Variants in ZP1 observed in about 807,000 individuals in gnomAD.
ZP1 encodes the protein zona pellucida sperm-binding protein 1.
ZP1 carries 58 observed loss-of-function variants against 67.4 expected under a neutral mutation model. The observed-to-expected ratio is 0.86, with a 90% confidence interval of 0.70 to 1.07. The LOEUF is 1.07. Among genes scored for constraint, ZP1 ranks in the 50% least tolerant of loss-of-function variants. ZP1 has a pLI of 0.00. For synonymous variants in ZP1, 333 were observed against 332.7 expected, an observed-to-expected ratio of 1.00 and a Z score of -0.01; for missense variants, 759 against 807.3, an observed-to-expected ratio of 0.94 and a Z score of 0.72.
In ZP1 at chr11:60,870,331, G is replaced by A; in HGVS notation, c.683-1G>A. ...GCCTCATCACTCTGTCCCAACCCTA[G>A]GTACCCACCTGAGCCAGGAGCAGTG... is the stretch of plus-strand genomic sequence containing the variant. On this transcript the variant is annotated splice_acceptor_variant, in intron 3 of 11. Transcript: ENST00000278853. LOFTEE classifies it high-confidence loss of function. The A allele has an allele frequency of 1.3e-6, 2 of 1,596,488 alleles. No individual in the cohort carries two copies. The highest frequency in any genetic ancestry group is 2.7e-5 in the African/African-American group (2 of 74,368).
chr11:60,868,793 G>A (rs953635194), intron 1 of ZP1, among the ~76,000 whole-genome samples: 4 of 152,230 alleles, frequency 2.6e-5, no homozygotes, highest in Non-Finnish European at 5.9e-5. Context: ...AGCTGCCTCA[G>A]CCACAGGATG....
Position 60,875,181 on chromosome 11 carries a change from C to G in ZP1, c.1707C>G (p.Ile569Met). Residue 569 changes from isoleucine (I) to methionine (M), a missense_variant, in exon 11 of 12, where the codon ATC (isoleucine) becomes ATG (methionine). By Grantham distance (10) the Ile-to-Met change is conservative. Coordinates refer to ENST00000278853, the MANE Select transcript of ZP1 (RefSeq NM_207341.4). ...ATGACACTGCCAGGCCCCAGGACAT[C>G]GTGAGCTCTCCGGGGCCAGTGGGCT... The part of the protein sequence containing the change: ...HRNDTARPQD[I>M]VSSPGPVGFE... The G allele has an allele frequency of 3.1e-6, 5 of 1,613,868 alleles. No homozygotes were observed. The highest frequency in any genetic ancestry group is 4.2e-6 in the Non-Finnish European group (5 of 1,180,048).
intron 9 of ZP1, among the ~76,000 whole-genome samples, chr11:60,874,074 T>C (rs1855650212): frequency 6.6e-6 from 1 of 152,236 alleles, no homozygotes; most frequent in Admixed American, 6.5e-5. Context: ...ATGTGTTCCA[T>C]GTAATTCTTT....
In ZP1 at chr11:60,871,123, C is replaced by G; in HGVS notation, c.993C>G (p.Thr331=). 1 of 1,614,084 alleles carries G rather than the reference C, an allele frequency of 6.2e-7. No individual in the cohort carries two copies. The highest frequency in any genetic ancestry group is 1.1e-5 in the South Asian group (1 of 91,076). Residue 331 remains threonine, a synonymous_variant, in exon 5 of 12, where the codon ACC becomes ACG. Coordinates refer to ENST00000278853, the MANE Select transcript of ZP1 (RefSeq NM_207341.4). ...TCGTGGTCTTCTACTTCCCTCTCAC[C>G]CACTGTGGAACCACAATGCAGGTAG... is the stretch of plus-strand genomic sequence containing the variant. ...EAFVVFYFPL[T]HCGTTMQVAG...
intron 9 of ZP1, among the ~76,000 whole-genome samples, chr11:60,874,680 G>A (rs1432244028): frequency 6.6e-6 from 1 of 152,214 alleles, no homozygotes; most frequent in African/African-American, 2.4e-5. Flanking sequence ...CCGCCTGCAG[G>A]GCACTCCACT....
At chr11:60,871,737 A>G (rs1419592534) in intron 6 of ZP1, among the ~76,000 whole-genome samples, 1 of 152,228 alleles carries the variant, frequency 6.6e-6, no homozygotes, top group Non-Finnish European at 1.5e-5. Flanking sequence ...ATGAAGCTGA[A>G]GATACCTCTC....
Position 60,873,547 on chromosome 11 carries a change from G to T in ZP1, c.1413G>T (p.Trp471Cys). ...PSANPFQQPQWPILSDGCPFK... is the reference protein window; with the variant it reads ...PSANPFQQPQCPILSDGCPFK... ...CCAACCCCTTCCAGCAGCCCCAGTG[G>T]CCCATCCTGTCAGACGGGTGAGTGC... The change falls in exon 8 of 12, where the codon TGG becomes TGT. Residue 471 changes from tryptophan to cysteine, a missense_variant. Physicochemically the swap from Trp to Cys is radical, Grantham distance 215 (BLOSUM62 -2). Coordinates refer to ENST00000278853, the MANE Select transcript of ZP1 (RefSeq NM_207341.4). 6.2e-7 allele frequency: 1 copy of T among 1,612,778 alleles called. No homozygotes were observed. The highest frequency in any genetic ancestry group is 8.5e-7 in the Non-Finnish European group (1 of 1,179,114).
chr11:60,871,012 G>A lies in ZP1; in HGVS notation c.882G>A (p.Met294Ile), dbSNP rs1270833849. Reference sequence around the variant, plus strand: ...TCGTCCTCGTGGTGTCCCAAGAAATGGCCTTGACACACAGGATCACACTGG... The same window carrying A: ...TCGTCCTCGTGGTGTCCCAAGAAATAGCCTTGACACACAGGATCACACTGG... ...GYFVLVVSQE[M>I]ALTHRITLAN... The change falls in exon 5 of 12, where the codon ATG becomes ATA. Residue 294 changes from methionine (M) to isoleucine (I), a missense_variant. Met to Ile is a conservative substitution (Grantham distance 10). Transcript: ENST00000278853. 6.2e-7 allele frequency: 1 copy of A among 1,614,186 alleles called. No individual in the cohort carries two copies. Among genetic ancestry groups the A allele is most frequent in the South Asian group, 1.1e-5 (1 of 91,076 alleles).
At chr11:60,872,410 G>A (rs1004425403) in intron 6 of ZP1, among the ~76,000 whole-genome samples, 1 of 152,120 alleles carries the variant, frequency 6.6e-6, no homozygotes, top group African/African-American at 2.4e-5. Flanking sequence ...TCAGACACAA[G>A]GCCTTCAGAA....
In ZP1 at chr11:60,875,019, G is replaced by A. The variant is rs1278221220; in HGVS notation, c.1654+5G>A. 1.2e-6 allele frequency: 2 copies of A among 1,614,264 alleles called. No individual in the cohort carries two copies. The highest frequency in any genetic ancestry group is 1.1e-5 in the South Asian group (1 of 91,092). The stretch of plus-strand genomic sequence containing the variant: ...CATGTAGCACTGGCACTACAAGTGA[G>A]TCTGGGTTGCGAGTGGTATTTGTTC... On this transcript the variant is annotated splice_donor_5th_base_variant and intron_variant, in intron 10 of 11. Coordinates refer to ENST00000278853, the MANE Select transcript of ZP1 (RefSeq NM_207341.4).
chr11:60,869,128 C>A lies in ZP1; in HGVS notation c.197-17C>A. 1 of 1,614,156 alleles carries A rather than the reference C, an allele frequency of 6.2e-7. No individual in the cohort carries two copies. The highest frequency in any genetic ancestry group is 8.5e-7 in the Non-Finnish European group (1 of 1,180,014). On this transcript the variant is annotated splice_polypyrimidine_tract_variant and intron_variant, in intron 1 of 11. Coordinates refer to ENST00000278853, the MANE Select transcript of ZP1 (RefSeq NM_207341.4). ...CACCCTTCAACATCCCTGGCCCCTCCCCTTCCCCCACTGCAGATGAATTTG... is the reference window on the plus strand; with the variant it reads ...CACCCTTCAACATCCCTGGCCCCTCACCTTCCCCCACTGCAGATGAATTTG...
At chr11:60,873,816 A>T (rs757046688) in intron 9 of ZP1, 41 bp downstream of exon 9, 1 of 1,608,648 alleles carries the variant, frequency 6.2e-7, no homozygotes, top group South Asian at 1.1e-5. Flanking sequence ...CCCATCTGTT[A>T]AGTGGGAGGA....
At position 60,871,298 on chromosome 11, in the gene ZP1, CG is replaced by C; in HGVS notation, c.1099del (p.Asp367ThrfsTer33). On this transcript the variant is annotated frameshift_variant, in exon 6 of 12. Transcript: ENST00000278853. LOFTEE classifies it high-confidence loss of function. ...AAAGGGGCCACAGGGTTCCATCACG[CG>C]GGACAGCACCTTCCAGTAAGGGCAG... is the stretch of plus-strand genomic sequence containing the variant. ...IQKGPQGSIT[R>X]DSTFQLHVRC... 1 of 1,613,746 alleles carries C rather than the reference CG, an allele frequency of 6.2e-7. No homozygotes were observed. Among genetic ancestry groups the C allele is most frequent in the Non-Finnish European group, 8.5e-7 (1 of 1,180,032 alleles).
In ZP1 at chr11:60,869,237, G is replaced by A. The variant is rs757250399; in HGVS notation, c.289G>A (p.Asp97Asn). The A allele has an allele frequency of 6.3e-5, 102 of 1,614,064 alleles. 1 individual carries two copies. Among genetic ancestry groups the A allele is most frequent in the Admixed American group, 4.3e-4 (26 of 60,002 alleles). ...RPQEPAVFSA[D>N]YRGCHVLEKD... ...GCAGGAGCCTGCAGTCTTCTCGGCC[G>A]ATTACAGAGGCTGCCACGTGCTGGA... Residue 97 changes from aspartate (D) to asparagine (N), a missense_variant, in exon 2 of 12, where the codon GAT becomes AAT. Transcript: ENST00000278853.
chr11:60,875,667 T>C lies in ZP1; in HGVS notation c.*11T>C. On this transcript the variant is annotated 3_prime_UTR_variant, in exon 12 of 12. Transcript: ENST00000278853. ...AGCAACAGACAGTGAATGGGCCCAA[T>C]AAACAATCATTTCAAACCTACTGAA... 6.2e-7 allele frequency: 1 copy of C among 1,612,964 alleles called. No homozygotes were observed. The highest frequency in any genetic ancestry group is 8.5e-7 in the Non-Finnish European group (1 of 1,179,578).
chr11:60,871,328 T>C lies in ZP1; in HGVS notation c.1112+14T>C. On this transcript the variant is annotated intron_variant, in intron 6 of 11. Coordinates refer to ENST00000278853, the MANE Select transcript of ZP1 (RefSeq NM_207341.4). ...CAGCACCTTCCAGTAAGGGCAGCCC[T>C]CCTCCTACAGGCGTGGCTGTGTGCT... The C allele has an allele frequency of 6.2e-7, 1 of 1,612,752 alleles. No homozygotes were observed. Among genetic ancestry groups the C allele is most frequent in the Non-Finnish European group, 8.5e-7 (1 of 1,179,806 alleles).
Position 60,873,410 on chromosome 11 carries a change from T to G in ZP1, c.1276T>G (p.Tyr426Asp). ...CAGCTCGTACTATGGGGAGGATGACTATCCCATCGTGAGGCTGCTCCGAGA... is the reference window on the plus strand; with the variant it reads ...CAGCTCGTACTATGGGGAGGATGACGATCCCATCGTGAGGCTGCTCCGAGA... Reference protein sequence around the residue: ...TFSSYYGEDDYPIVRLLREPV... With the variant: ...TFSSYYGEDDDPIVRLLREPV... Residue 426 changes from tyrosine to aspartate, a missense_variant, in exon 8 of 12, where the codon TAT becomes GAT. Tyr to Asp is a radical substitution (Grantham distance 160). Coordinates refer to ENST00000278853, the MANE Select transcript of ZP1 (RefSeq NM_207341.4). The G allele has an allele frequency of 6.2e-7, 1 of 1,611,734 alleles. No homozygotes were observed. Among genetic ancestry groups the G allele is most frequent in the South Asian group, 1.1e-5 (1 of 91,050 alleles).
At position 60,875,238 on chromosome 11, in the gene ZP1, TGGGCCCACA is replaced by T; in HGVS notation, c.1767_1774+1del. 1.2e-6 allele frequency: 2 copies of T among 1,612,278 alleles called. No homozygotes were observed. The highest frequency in any genetic ancestry group is 1.7e-6 in the Non-Finnish European group (2 of 1,179,918). On this transcript the variant is annotated inframe_deletion and splice_region_variant, in exon 11 of 12. Transcript: ENST00000278853. Reference sequence around the variant, plus strand: ...ATTCTTATGGGCAGGAGCCCACACTTGGGCCCACAGGTAGGAGGGCTTCTGGGTGGGCCC... The same window carrying T: ...ATTCTTATGGGCAGGAGCCCACACTTGGTAGGAGGGCTTCTGGGTGGGCCC...
rs11230512 is a variant in ZP1, at chr11:60,874,662, G to A, written c.1573-271G>A. ...CAAGGACTGGGGCATTACGAAGTGC[G>A]GTGGTCCCCGCCTGCAGGGCACTCC... is the stretch of plus-strand genomic sequence containing the variant. On this transcript the variant is annotated intron_variant, in intron 9 of 11. Coordinates refer to ENST00000278853, the MANE Select transcript of ZP1 (RefSeq NM_207341.4). Among the ~76,000 whole-genome samples, 179 of 152,350 alleles carry A rather than the reference G, an allele frequency of 1.2e-3. 1 individual carries two copies. Among genetic ancestry groups the A allele is most frequent in the African/African-American group, 4.1e-3 (170 of 41,584 alleles).
Sources: gnomAD v4.1 joint callset for allele counts (sites outside exome capture counted in the v4.1 genomes callset) on GRCh38, gnomAD v4.1.1 for gene constraint, MANE v1.5 for transcripts, NCBI Gene and HGNC (gene_info 2026-07-23, HGNC 2026-07-21) for gene names.